The following SDCCAG8 variants were observed in gnomAD, a reference collection of about 807,000 sequenced individuals.
The protein encoded by SDCCAG8 is serologically defined colon cancer antigen 8.
SDCCAG8 carries 74 observed loss-of-function variants against 101.8 expected under a neutral mutation model. The ratio of observed to expected loss-of-function variants is 0.73; its 90% CI spans 0.60 to 0.88. SDCCAG8 has a LOEUF of 0.88. Among genes scored for constraint, SDCCAG8 ranks in the 40% least tolerant of loss-of-function variants. The pLI is 0.00. For synonymous variants in SDCCAG8, 281 were observed against 292.9 expected (o/e 0.96, Z 0.41); for missense variants, 787 against 822.6 (o/e 0.96, Z 0.53).
At chr1:243,414,635 C>T (rs137986483) in intron 13 of SDCCAG8, among the ~76,000 whole-genome samples, 51 of 152,176 alleles carry the variant, frequency 3.4e-4, no homozygotes, top group African/African-American at 1.1e-3. Context: ...AGTTCCACAG[C>T]GGTACATAGA....
chr1:243,304,133 A>G (rs1296314622), intron 6 of SDCCAG8, among the ~76,000 whole-genome samples: 2 of 151,838 alleles, frequency 1.3e-5, no homozygotes, highest in East Asian at 3.9e-4. Flanking sequence ...CCTAACCTCC[A>G]TGTTATTTAA....
At chr1:243,492,498 T>A (rs1050714068) in intron 17 of SDCCAG8, among the ~76,000 whole-genome samples, 1 of 151,540 alleles carries the variant, frequency 6.6e-6, no homozygotes, top group African/African-American at 2.4e-5. Flanking sequence ...GAAACGGGGT[T>A]TCGCCATGTT....
At chr1:243,428,096 T>G (rs953313993) in intron 16 of SDCCAG8, among the ~76,000 whole-genome samples, 3 of 152,236 alleles carry the variant, frequency 2.0e-5, no homozygotes, top group African/African-American at 7.2e-5. Context: ...TTTTCTTACA[T>G]TTGTGTATTG....
chr1:243,476,513 C>T, intron 16 of SDCCAG8: 1 of 324,980 alleles, frequency 3.1e-6, no homozygotes, highest in Non-Finnish European at 4.4e-6. Flanking sequence ...ACGTGACATA[C>T]TCTGGGACCA....
chr1:243,293,310 A>C, intron 6 of SDCCAG8, 91 bp downstream of exon 6: 4 of 1,323,006 alleles, frequency 3.0e-6, no homozygotes, highest in Non-Finnish European at 4.2e-6. Context: ...TATATAACAA[A>C]ATTTACCATT....
intron 1 of SDCCAG8, 21 bp from the exon 2 acceptor site, chr1:243,270,084 T>G: frequency 6.2e-7 from 1 of 1,614,188 alleles, no homozygotes; most frequent in Non-Finnish European, 8.5e-7. Flanking sequence ...GGTCCTAACT[T>G]TCGTCAGGTT....
chr1:243,293,349 T>C (rs1156660550), intron 6 of SDCCAG8, 130 bp downstream of exon 6: 1 of 912,022 alleles, frequency 1.1e-6, no homozygotes, highest in South Asian at 1.4e-5. Flanking sequence ...ACAGTTTATC[T>C]GCATTAAGTA....
chr1:243,498,884 A>C (rs1311843248), intron 17 of SDCCAG8, among the ~76,000 whole-genome samples: 1 of 152,184 alleles, frequency 6.6e-6, no homozygotes, highest in Non-Finnish European at 1.5e-5. Context: ...AGTGCGTCCC[A>C]ATTTATCTGA....
In SDCCAG8 at chr1:243,344,230, C is replaced by T. The variant is rs986309543; in HGVS notation, c.1372C>T (p.Arg458Cys). Residue 458 changes from arginine (R) to cysteine (C), a missense_variant, in exon 12 of 18, where the codon CGC (arginine) becomes TGC (cysteine). Coordinates refer to ENST00000366541, the MANE Select transcript of SDCCAG8 (RefSeq NM_006642.5). ...AATCTAACAGGTGTGTGGAGAAATGCGCTATCAGCTGAATAAAACCAACAT... is the reference window on the plus strand; with the variant it reads ...AATCTAACAGGTGTGTGGAGAAATGTGCTATCAGCTGAATAAAACCAACAT... ...MDVTKVCGEM[R>C]YQLNKTNMEK... The T allele has an allele frequency of 6.8e-6, 11 of 1,613,654 alleles. No individual in the cohort carries two copies. Among genetic ancestry groups the T allele is most frequent in the South Asian group, 2.2e-5 (2 of 91,062 alleles).
chr1:243,260,125 G>T (rs2067090697), intron 1 of SDCCAG8, among the ~76,000 whole-genome samples: 1 of 152,180 alleles, frequency 6.6e-6, no homozygotes, highest in Non-Finnish European at 1.5e-5. Flanking sequence ...GACATTTAAT[G>T]ATTCTTCTTC....
At chr1:243,334,015 C>T (rs1290374753) in intron 10 of SDCCAG8, among the ~76,000 whole-genome samples, 5 of 152,156 alleles carry the variant, frequency 3.3e-5, no homozygotes, top group Non-Finnish European at 7.4e-5. Flanking sequence ...TTACTTTCCA[C>T]CTCCTATCCC....
At chr1:243,410,274 A>G (rs1007935325) in intron 13 of SDCCAG8, among the ~76,000 whole-genome samples, 1 of 152,240 alleles carries the variant, frequency 6.6e-6, no homozygotes, top group Admixed American at 6.5e-5. Flanking sequence ...GTTGTTAAAT[A>G]TCGTCTGGCA....
Position 243,459,180 on chromosome 1 carries a change from A to G in SDCCAG8, c.1986-29834A>G, listed in dbSNP as rs929386006. The stretch of plus-strand genomic sequence containing the variant: ...CACTCAGACATTACTGTACTTTACA[A>G]TAGTCTTTACAATAGTCTTTCAAGG... On this transcript the variant is annotated intron_variant, in intron 16 of 17. Transcript: ENST00000366541. 1.6e-4 allele frequency among the ~76,000 whole-genome samples: 25 copies of G among 152,230 alleles called. 1 individual carries two copies. The highest frequency in any genetic ancestry group is 2.4e-5 in the African/African-American group (1 of 41,464).
chr1:243,435,050 G>A (rs1002325529), intron 16 of SDCCAG8, among the ~76,000 whole-genome samples: 6 of 152,144 alleles, frequency 3.9e-5, no homozygotes, highest in African/African-American at 1.4e-4. Flanking sequence ...AATATTTACC[G>A]AGTGCTTATA....
chr1:243,483,648 C>T (rs1413006734), intron 16 of SDCCAG8, among the ~76,000 whole-genome samples: 3 of 152,176 alleles, frequency 2.0e-5, no homozygotes, highest in Admixed American at 2.0e-4. Flanking sequence ...GGCTTCTGCC[C>T]CAGCCAGGAG....
rs150193569 is a variant in SDCCAG8, at chr1:243,311,169, C to T, written c.929+2992C>T. Among the ~76,000 whole-genome samples, 460 of 152,248 alleles carry T rather than the reference C, an allele frequency of 3.0e-3. 4 individuals carry two copies. The highest frequency in any genetic ancestry group is 0.011 in the African/African-American group (449 of 41,534). On this transcript the variant is annotated intron_variant, in intron 8 of 17. Transcript: ENST00000366541. ...ATAATTATGTGAACAACCTAAATAT[C>T]GTTCAAAGGAGAGTAACTAAACATG...
chr1:243,490,458 A>C (rs923107428), intron 17 of SDCCAG8, among the ~76,000 whole-genome samples: 1 of 152,230 alleles, frequency 6.6e-6, no homozygotes, highest in Non-Finnish European at 1.5e-5. Flanking sequence ...ATTCTGGACG[A>C]CACTACATTT....
chr1:243,460,642 T>A (rs1658886345), intron 16 of SDCCAG8, among the ~76,000 whole-genome samples: 1 of 152,216 alleles, frequency 6.6e-6, no homozygotes, highest in Admixed American at 6.5e-5. Flanking sequence ...TGGAACAAAG[T>A]GTGACTGAAG....
chr1:243,286,081 C>T (rs1045713400), intron 4 of SDCCAG8, among the ~76,000 whole-genome samples, 191 bp from the exon 5 acceptor site: 1 of 152,234 alleles, frequency 6.6e-6, no homozygotes, highest in African/African-American at 2.4e-5. Flanking sequence ...AGGCCCATTA[C>T]TATATACCCC....
Sources: allele counts gnomAD v4.1 joint callset (sites outside exome capture counted in the v4.1 genomes callset), GRCh38; gene constraint gnomAD v4.1.1; transcripts MANE v1.5; gene names NCBI Gene and HGNC (gene_info 2026-07-23, HGNC 2026-07-21).